Variants in PDE10A observed in about 807,000 individuals in gnomAD.
The protein encoded by PDE10A is phosphodiesterase 10A, also known as cAMP and cAMP-inhibited cGMP 3',5'-cyclic phosphodiesterase 10A.
PDE10A carries 39 observed loss-of-function variants against 97.7 expected under a neutral mutation model. The ratio of observed to expected loss-of-function variants is 0.40; its 90% CI spans 0.31 to 0.52. The LOEUF is 0.52. Among genes scored for constraint, PDE10A ranks in the 20% least tolerant of loss-of-function variants. The pLI is 0.56. For missense variants in PDE10A, 731 were observed against 1,047.8 expected (o/e 0.70, Z 4.17); for synonymous variants, 371 against 376.8 (o/e 0.98, Z 0.18).
chr6:165,636,956 T>C (rs1047499683), intron 1 of PDE10A, among the ~76,000 whole-genome samples: 1 of 152,152 alleles, frequency 6.6e-6, no homozygotes, highest in African/African-American at 2.4e-5. Context: ...CCTGAGACGA[T>C]TCATGTGAAA....
intron 1 of PDE10A, among the ~76,000 whole-genome samples, chr6:165,648,233 C>G (rs1295294200): frequency 6.6e-6 from 1 of 151,944 alleles, no homozygotes; most frequent in Admixed American, 6.6e-5. Flanking sequence ...AGGATGGTCT[C>G]GATCTCCTGA....
chr6:165,457,012 T>C (rs1583318618), intron 3 of PDE10A, among the ~76,000 whole-genome samples: 2 of 152,204 alleles, frequency 1.3e-5, no homozygotes, highest in Admixed American at 6.5e-5. Flanking sequence ...GTTAGCCTTC[T>C]GGTCATTCTG....
At chr6:165,681,290 T>C (rs2128439448) in intron 1 of PDE10A, among the ~76,000 whole-genome samples, 1 of 152,372 alleles carries the variant, frequency 6.6e-6, no homozygotes, top group East Asian at 1.9e-4. Context: ...TGTTTCCTAA[T>C]ACTTAGTTTC....
intron 1 of PDE10A, chr6:165,949,921 G>A (rs1410978536): frequency 2.0e-5 from 3 of 152,110 alleles, no homozygotes; most frequent in Admixed American, 6.5e-5. Context: ...ATCCCTGGGG[G>A]AAAAATGAGA....
intron 13 of PDE10A, among the ~76,000 whole-genome samples, chr6:165,411,695 T>C (rs1787850860): frequency 6.6e-6 from 1 of 152,156 alleles, no homozygotes; most frequent in East Asian, 1.9e-4. Context: ...TTAGAGAAAA[T>C]ACAAACTGAA....
intron 1 of PDE10A, among the ~76,000 whole-genome samples, chr6:165,839,908 A>ATTCATTCCAT (rs1562762597): frequency 8.6e-5 from 1 of 11,682 alleles, no homozygotes; most frequent in African/African-American, 3.2e-4. Flanking sequence ...CCCATCTCCA[A>ATTCATTCCAT]CTCCATCCCC....
chr6:165,343,093 TTGAA>T (rs920776704), intron 19 of PDE10A, among the ~76,000 whole-genome samples: 13 of 152,336 alleles, frequency 8.5e-5, no homozygotes, highest in East Asian at 1.9e-4. Context: ...GTAATGTTTA[TTGAA>T]TGAATGAACA....
intron 1 of PDE10A, among the ~76,000 whole-genome samples, chr6:165,695,079 A>G (rs534711751): frequency 1.3e-5 from 2 of 152,218 alleles, no homozygotes; most frequent in African/African-American, 4.8e-5. Context: ...ATATAGAGAC[A>G]TAAGACTTAT....
At chr6:165,944,209 C>T (rs770437708) in intron 1 of PDE10A, among the ~76,000 whole-genome samples, 1 of 152,200 alleles carries the variant, frequency 6.6e-6, no homozygotes, top group East Asian at 1.9e-4. Context: ...AGGTAACCAC[C>T]CCCATAATTC....
chr6:165,904,623 G>A (rs1343566915), intron 1 of PDE10A, among the ~76,000 whole-genome samples: 2 of 152,078 alleles, frequency 1.3e-5, no homozygotes, highest in African/African-American at 4.8e-5. Flanking sequence ...TTTTTGGAGG[G>A]CAAGGATCTC....
chr6:165,525,499 G>C (rs551975064), intron 2 of PDE10A, among the ~76,000 whole-genome samples: 1 of 152,254 alleles, frequency 6.6e-6, no homozygotes, highest in African/African-American at 2.4e-5. Flanking sequence ...AATTAGGATG[G>C]TGGAGTGGAT....
In PDE10A at chr6:165,711,109, C is replaced by T. The variant is rs148054886; in HGVS notation, c.-614-167541G>A. ...GTCCCGCTCCTCAAAGCCAACAAAGCGGGTCCTTTGCTCCCACCTTTAAGC... is the reference window on the plus strand; with the variant it reads ...GTCCCGCTCCTCAAAGCCAACAAAGTGGGTCCTTTGCTCCCACCTTTAAGC... On this transcript the variant is annotated intron_variant, in intron 1 of 19. Coordinates refer to the PDE10A transcript ENST00000366882. This position sits in a 1 kb window ranked among gnomAD's most constrained non-coding sequence, Gnocchi z 4.5. Among the ~76,000 whole-genome samples the T allele has an allele frequency of 2.7e-3, 411 of 152,330 alleles. 2 individuals carry two copies. Among genetic ancestry groups the T allele is most frequent in the African/African-American group, 9.2e-3 (382 of 41,580 alleles).
At chr6:165,461,455 T>A (rs931030029) in intron 3 of PDE10A, among the ~76,000 whole-genome samples, 10 of 152,320 alleles carry the variant, frequency 6.6e-5, no homozygotes, top group African/African-American at 2.4e-4. Flanking sequence ...GCCCTATACT[T>A]CAGCTCAAAA....
intron 2 of PDE10A, among the ~76,000 whole-genome samples, chr6:165,533,467 ACACAGAAAAGG>A (rs1301322154): frequency 6.6e-6 from 1 of 152,200 alleles, no homozygotes; most frequent in Admixed American, 6.5e-5. Context: ...GTGTGTCTAA[ACACAGAAAAGG>A]CACAGAAAAG....
intron 18 of PDE10A, among the ~76,000 whole-genome samples, chr6:165,352,932 C>A (rs1179896611): frequency 6.6e-6 from 1 of 152,020 alleles, no homozygotes; most frequent in Non-Finnish European, 1.5e-5. Flanking sequence ...AAAACATTGG[C>A]AAAAGGCATA....
At chr6:165,483,722 A>G (rs1463284436) in intron 2 of PDE10A, among the ~76,000 whole-genome samples, 1 of 152,220 alleles carries the variant, frequency 6.6e-6, no homozygotes, top group Admixed American at 6.5e-5. Context: ...GTTTAATATC[A>G]AGACCGCATA....
chr6:165,862,976 G>A (rs1350719448), intron 1 of PDE10A, among the ~76,000 whole-genome samples: 1 of 152,176 alleles, frequency 6.6e-6, no homozygotes, highest in Non-Finnish European at 1.5e-5. Flanking sequence ...CACCACACCC[G>A]GCCCAGTTGT....
rs1057111380 is a variant in PDE10A at position 165,413,699 on chromosome 6, C to G, written c.1890-12G>C. The G allele has an allele frequency of 3.1e-6, 5 of 1,599,144 alleles. No individual in the cohort carries two copies. The highest frequency in any genetic ancestry group is 4.3e-6 in the Non-Finnish European group (5 of 1,170,706). ...ACAAGTCTACTTCTCTGTGGGGTGACAGAACCAAAAATAACAACAACAACA... is the reference window on the plus strand; with the variant it reads ...ACAAGTCTACTTCTCTGTGGGGTGAGAGAACCAAAAATAACAACAACAACA... On this transcript the variant is annotated splice_polypyrimidine_tract_variant and intron_variant, in intron 12 of 21. Transcript: ENST00000539869.
intron 1 of PDE10A, among the ~76,000 whole-genome samples, chr6:165,570,381 G>A (rs1784994250): frequency 6.6e-6 from 1 of 152,082 alleles, no homozygotes; most frequent in African/African-American, 2.4e-5. Context: ...AAGCCACTAG[G>A]AGAAACAATT....
Sources: gnomAD v4.1 joint callset for allele counts (sites outside exome capture counted in the v4.1 genomes callset) on GRCh38, gnomAD v4.1.1 for gene constraint, Gnocchi (gnomAD v3.1) non-coding constraint, MANE v1.5 for transcripts, NCBI Gene and HGNC (gene_info 2026-07-23, HGNC 2026-07-21) for gene names.